PALLD: variants seen among roughly 807,000 people sequenced by gnomAD.
PALLD encodes the protein palladin, cytoskeletal associated protein.
In PALLD, 61 loss-of-function variants were observed where a neutral mutation model predicts 123.5. The ratio of observed to expected loss-of-function variants is 0.49; its 90% CI spans 0.40 to 0.61. PALLD has a LOEUF of 0.61. Ranked by LOEUF, PALLD falls within the 20% of genes least tolerant of loss-of-function variation. The pLI, the probability that PALLD is intolerant of heterozygous loss-of-function variation, is 0.00. For missense variants in PALLD, 1,273 were observed against 1,377.0 expected, an observed-to-expected ratio of 0.92 and a Z score of 1.20; for synonymous variants, 465 against 496.4, an observed-to-expected ratio of 0.94 and a Z score of 0.84.
At chr4:168,592,535 A>G (rs989269555) in intron 2 of PALLD, among the ~76,000 whole-genome samples, 1 of 152,168 alleles carries the variant, frequency 6.6e-6, no homozygotes, top group African/African-American at 2.4e-5. Context: ...GCCTCAAAAT[A>G]CAATTGTTAG....
intron 15 of PALLD, among the ~76,000 whole-genome samples, chr4:168,905,300 A>G (rs769413619): frequency 1.5e-3 from 223 of 149,456 alleles, no homozygotes; most frequent in Non-Finnish European, 2.1e-3. Flanking sequence ...ACAGGCACCC[A>G]CCATGCCCGG....
intron 10 of PALLD, chr4:168,832,200 G>A: frequency 1.0e-6 from 1 of 985,412 alleles, no homozygotes; most frequent in South Asian, 4.7e-5. Context: ...CCCTGAGGCT[G>A]GTGGAAGAAA....
rs532698745 is a variant in PALLD, at chr4:168,830,345, C to T, written c.1965-60577C>T. On this transcript the variant is annotated intron_variant, in intron 10 of 21. Coordinates refer to ENST00000505667, the MANE Select transcript of PALLD (RefSeq NM_001166108.2). ...TTTGAGACCAGCCTGGACAACATAGCGAGACGTTGTCTTGAACAAAAAAAA... is the reference window on the plus strand; with the variant it reads ...TTTGAGACCAGCCTGGACAACATAGTGAGACGTTGTCTTGAACAAAAAAAA... Among the ~76,000 whole-genome samples, 23 of 147,452 alleles carry T rather than the reference C, an allele frequency of 1.6e-4. No homozygotes were observed. The East Asian group carries it at 4.5e-3, about 29-fold the overall frequency.
At position 168,861,162 on chromosome 4, in the gene PALLD, A is replaced by G. The variant is rs190231497; in HGVS notation, c.1965-29760A>G. On this transcript the variant is annotated intron_variant, in intron 10 of 21. Transcript: ENST00000505667. ...TTTTGTTTCCATATTTGCTTAAGTA[A>G]ACTTCAAAACTAATTACTTGCAAAG... is the stretch of plus-strand genomic sequence containing the variant. Among the ~76,000 whole-genome samples, 287 of 152,360 alleles carry G rather than the reference A, an allele frequency of 1.9e-3. 1 individual carries two copies. Among genetic ancestry groups the G allele is most frequent in the African/African-American group, 6.0e-3 (251 of 41,588 alleles).
At chr4:168,789,165 A>C (rs1434391170) in intron 10 of PALLD, among the ~76,000 whole-genome samples, 1 of 152,096 alleles carries the variant, frequency 6.6e-6, no homozygotes, top group East Asian at 1.9e-4. Flanking sequence ...CATTTTTGAC[A>C]CTCTCATTCA....
intron 2 of PALLD, among the ~76,000 whole-genome samples, chr4:168,616,969 C>T (rs547143547): frequency 6.6e-6 from 1 of 152,242 alleles, no homozygotes; most frequent in African/African-American, 2.4e-5. Context: ...TGGTTCCAGG[C>T]CACCATGGAG....
intron 2 of PALLD, among the ~76,000 whole-genome samples, chr4:168,572,257 A>G (rs1434994587): frequency 6.6e-6 from 1 of 152,074 alleles, no homozygotes; most frequent in Non-Finnish European, 1.5e-5. Flanking sequence ...TTCAGCACTC[A>G]GTGTGGTCCA....
rs1784910015 is a variant in PALLD, at chr4:168,712,328, G to T, written c.1964+405G>T. The T allele has an allele frequency of 1.1e-5, 3 of 279,850 alleles. No individual in the cohort carries two copies. The Admixed American group carries it at 1.4e-4, about 14-fold the overall frequency. The allele number at this position is 279,850 out of a possible 1,614,324, so 17.3% of individuals were successfully genotyped here. On this transcript the variant is annotated intron_variant, in intron 10 of 21. Coordinates refer to ENST00000505667, the MANE Select transcript of PALLD (RefSeq NM_001166108.2). ...TTTAAATATTAAGTATCAGTAAGAA[G>T]ATCTGATATAGACAAGCGGGGAAAG...
intron 2 of PALLD, among the ~76,000 whole-genome samples, chr4:168,602,796 C>T (rs535047287): frequency 1.3e-4 from 20 of 152,124 alleles, no homozygotes; most frequent in Non-Finnish European, 2.6e-4. Context: ...GACAAGGTCT[C>T]ACTCTGTCAC....
At chr4:168,626,400 C>CAAAAAA (rs374572213) in intron 2 of PALLD, among the ~76,000 whole-genome samples, 1 of 98,850 alleles carries the variant, frequency 1.0e-5, no homozygotes, top group Admixed American at 1.1e-4. Flanking sequence ...GACTCCATCT[C>CAAAAAA]AAAAAAAAAA....
At chr4:168,859,295 C>T (rs967188129) in intron 10 of PALLD, among the ~76,000 whole-genome samples, 3 of 152,166 alleles carry the variant, frequency 2.0e-5, no homozygotes, top group African/African-American at 2.4e-5. Context: ...AGGACTGACT[C>T]CTTTACAACT....
intron 2 of PALLD, among the ~76,000 whole-genome samples, chr4:168,578,392 A>T (rs1188519682): frequency 6.6e-6 from 1 of 152,022 alleles, no homozygotes; most frequent in Admixed American, 6.6e-5. Flanking sequence ...TCCTTGTGAT[A>T]GTGAGTGAGT....
At chr4:168,514,184 T>C (rs1418630518) in intron 2 of PALLD, among the ~76,000 whole-genome samples, 24 of 152,168 alleles carry the variant, frequency 1.6e-4, no homozygotes, top group Admixed American at 1.6e-3. Flanking sequence ...CATCACTGGC[T>C]AAAGATTGAA....
intron 10 of PALLD, among the ~76,000 whole-genome samples, chr4:168,764,293 T>G (rs114457625): frequency 0.023 from 3,574 of 152,242 alleles, 140 homozygotes; most frequent in African/African-American, 0.08. Context: ...TTTCTATCAT[T>G]TTCCTATAAG....
At chr4:168,640,244 T>C (rs1452012414) in intron 2 of PALLD, among the ~76,000 whole-genome samples, 2 of 152,212 alleles carry the variant, frequency 1.3e-5, no homozygotes, top group African/African-American at 2.4e-5. Flanking sequence ...CCATGTAGCA[T>C]CCAGAACTTT....
chr4:168,809,343 T>G (rs573718565), intron 10 of PALLD, among the ~76,000 whole-genome samples: 5 of 149,776 alleles, frequency 3.3e-5, no homozygotes, highest in African/African-American at 1.2e-4. Flanking sequence ...TCTTCTTCTT[T>G]TTTTTTTTGG....
intron 2 of PALLD, among the ~76,000 whole-genome samples, chr4:168,570,767 C>G (rs1180638038): frequency 1.3e-5 from 2 of 152,078 alleles, no homozygotes; most frequent in African/African-American, 4.8e-5. Flanking sequence ...GATCCAATGT[C>G]CTGAAGTCAA....
chr4:168,785,846 GATATATAT>G (rs6148775), intron 10 of PALLD, among the ~76,000 whole-genome samples: 1,629 of 80,916 alleles, frequency 0.02, 90 homozygotes, highest in African/African-American at 0.056. Context: ...AAACTGTAGA[GATATATAT>G]ATATATATAT....
At chr4:168,708,967 C>A (rs1784468916) in intron 8 of PALLD, 61 bp from the exon 9 acceptor site, 9 of 1,546,344 alleles carry the variant, frequency 5.8e-6, no homozygotes, top group Non-Finnish European at 8.0e-6. Flanking sequence ...GAGGGTCTCA[C>A]TTCTTAAAAG....
Sources: allele counts gnomAD v4.1 joint callset (sites outside exome capture counted in the v4.1 genomes callset), GRCh38; gene constraint gnomAD v4.1.1; transcripts MANE v1.5; gene names NCBI Gene and HGNC (gene_info 2026-07-23, HGNC 2026-07-21).